The following DLGAP2 variants were observed in gnomAD, a reference collection of about 807,000 sequenced individuals.
The protein encoded by DLGAP2 is DLG associated protein 2, also known as disks large-associated protein 2.
In DLGAP2, 26 loss-of-function variants were observed where a neutral mutation model predicts 100.3. The ratio of observed to expected loss-of-function variants is 0.26; its 90% CI spans 0.19 to 0.36. The LOEUF is 0.36. DLGAP2 is among the 10% of genes least tolerant of loss of function. The pLI is 1.00. For synonymous variants in DLGAP2, 886 were observed against 630.1 expected (o/e 1.41, Z -6.08); for missense variants, 1,858 against 1,453.2 (o/e 1.28, Z -4.53).
chr8:1,455,039 G>A (rs371932191), intron 3 of DLGAP2, among the ~76,000 whole-genome samples: 12 of 152,200 alleles, frequency 7.9e-5, no homozygotes, highest in African/African-American at 2.7e-4. Context: ...TCTGGGGAGG[G>A]GGGGATACCG....
At chr8:1,456,704 C>G (rs1162590711) in intron 3 of DLGAP2, among the ~76,000 whole-genome samples, 2 of 101,640 alleles carry the variant, frequency 2.0e-5, no homozygotes, top group East Asian at 5.7e-4. Flanking sequence ...CCTTATGTGA[C>G]TGGTAACCAG....
intron 6 of DLGAP2, among the ~76,000 whole-genome samples, chr8:1,576,958 C>G (rs1006818866): frequency 1.3e-5 from 2 of 152,134 alleles, no homozygotes; most frequent in African/African-American, 4.8e-5. Context: ...GCCCACATCG[C>G]CAAGACAATC....
chr8:1,171,482 G>T (rs905268574), intron 2 of DLGAP2, among the ~76,000 whole-genome samples: 1 of 151,810 alleles, frequency 6.6e-6, no homozygotes, highest in African/African-American at 2.4e-5. Context: ...TGACAGTGGG[G>T]TATTAAAGTC....
intron 2 of DLGAP2, among the ~76,000 whole-genome samples, chr8:975,626 G>C (rs1374290156): frequency 6.6e-6 from 1 of 152,136 alleles, no homozygotes; most frequent in Non-Finnish European, 1.5e-5. Flanking sequence ...GGCTAAGGAA[G>C]AAAAAATTAC....
intron 3 of DLGAP2, among the ~76,000 whole-genome samples, chr8:1,453,146 G>GTA (rs1298096830): frequency 6.6e-6 from 1 of 151,686 alleles, no homozygotes; most frequent in Non-Finnish European, 1.5e-5. Flanking sequence ...AACGTCGCAG[G>GTA]TATTGGAGCG....
At chr8:744,568 C>T (rs1326018043) in intron 1 of DLGAP2, among the ~76,000 whole-genome samples, 4 of 151,014 alleles carry the variant, frequency 2.6e-5, no homozygotes, top group African/African-American at 4.9e-5. Context: ...GTCGCCCTCC[C>T]GGGGTGCTGG....
chr8:1,242,769 C>T (rs945146671), intron 2 of DLGAP2, among the ~76,000 whole-genome samples: 10 of 152,010 alleles, frequency 6.6e-5, no homozygotes, highest in African/African-American at 9.7e-5. Context: ...GTCAGACAGA[C>T]GGATGGATGG....
chr8:931,218 G>C (rs557554484), intron 2 of DLGAP2, among the ~76,000 whole-genome samples: 1 of 152,170 alleles, frequency 6.6e-6, no homozygotes, highest in Non-Finnish European at 1.5e-5. Flanking sequence ...GCGGGTGTCT[G>C]AGGGCTGAGG....
chr8:1,555,821 A>G (rs1801945505), intron 5 of DLGAP2, among the ~76,000 whole-genome samples: 2 of 152,232 alleles, frequency 1.3e-5, no homozygotes, highest in African/African-American at 2.4e-5. Context: ...TGAAATGCTG[A>G]TGGATGTTGA....
intron 2 of DLGAP2, among the ~76,000 whole-genome samples, chr8:1,061,620 C>G (rs986440524): frequency 3.3e-5 from 5 of 152,060 alleles, no homozygotes; most frequent in African/African-American, 1.2e-4. Flanking sequence ...CAGAAACGCC[C>G]CAAACTGTTG....
intron 2 of DLGAP2, among the ~76,000 whole-genome samples, chr8:1,136,626 A>G (rs1563210815): frequency 6.6e-6 from 1 of 152,224 alleles, no homozygotes; most frequent in Non-Finnish European, 1.5e-5. Flanking sequence ...CTCTGAACAC[A>G]TGACTATGCT....
At chr8:1,216,571 A>G (rs1182969476) in intron 2 of DLGAP2, among the ~76,000 whole-genome samples, 1 of 152,038 alleles carries the variant, frequency 6.6e-6, no homozygotes, top group Non-Finnish European at 1.5e-5. Context: ...CCTGAGCTCA[A>G]GCAATCCTCC....
chr8:1,419,791 A>G (rs912760102), intron 3 of DLGAP2, among the ~76,000 whole-genome samples: 2 of 152,196 alleles, frequency 1.3e-5, no homozygotes, highest in African/African-American at 4.8e-5. Context: ...ACTAAGGAAA[A>G]CAGCATGGAG....
At chr8:1,634,686 C>G (rs1797727749) in intron 8 of DLGAP2, among the ~76,000 whole-genome samples, 1 of 152,062 alleles carries the variant, frequency 6.6e-6, no homozygotes, top group Admixed American at 6.5e-5. Context: ...CTCTTAGGAG[C>G]AAGTAAACAA....
chr8:769,808 T>A (rs1360531303), intron 1 of DLGAP2, among the ~76,000 whole-genome samples: 1 of 152,126 alleles, frequency 6.6e-6, no homozygotes, highest in Non-Finnish European at 1.5e-5. Flanking sequence ...AGAAGCCACA[T>A]TGTATGCATC....
At chr8:938,365 T>C (rs1284034404) in intron 2 of DLGAP2, among the ~76,000 whole-genome samples, 1 of 152,002 alleles carries the variant, frequency 6.6e-6, no homozygotes, top group Admixed American at 6.5e-5. Flanking sequence ...CCTGGCTGAT[T>C]TTTAAATTTT....
chr8:1,344,948 C>G (rs1801520814), intron 3 of DLGAP2, among the ~76,000 whole-genome samples: 2 of 152,246 alleles, frequency 1.3e-5, no homozygotes, highest in Non-Finnish European at 2.9e-5. Context: ...GACTCAACAT[C>G]ACCAGGCACT....
At chr8:1,634,743 C>G (rs1383841190) in intron 8 of DLGAP2, among the ~76,000 whole-genome samples, 3 of 152,032 alleles carry the variant, frequency 2.0e-5, no homozygotes, top group Non-Finnish European at 4.4e-5. Context: ...CAATCATTAC[C>G]TCGTAGAAAA....
chr8:1,468,994 C>T (rs1347114431), intron 3 of DLGAP2, among the ~76,000 whole-genome samples: 1 of 152,218 alleles, frequency 6.6e-6, no homozygotes, highest in African/African-American at 2.4e-5. Flanking sequence ...AACTTGGGGC[C>T]ACTGCAAAGA....
Sources: gnomAD v4.1 joint callset for allele counts (sites outside exome capture counted in the v4.1 genomes callset) on GRCh38, gnomAD v4.1.1 for gene constraint, MANE v1.5 for transcripts, NCBI Gene and HGNC (gene_info 2026-07-23, HGNC 2026-07-21) for gene names.